The following GRM7 variants were observed in gnomAD, a reference collection of about 807,000 sequenced individuals.
GRM7 encodes the protein glutamate metabotropic receptor 7.
GRM7 carries 35 observed loss-of-function variants against 84.5 expected under a neutral mutation model. That is an observed-to-expected ratio of 0.41 (90% confidence interval 0.32 to 0.55). The LOEUF (loss-of-function observed/expected upper bound fraction) is 0.55. Among genes scored for constraint, GRM7 ranks in the 20% least tolerant of loss-of-function variants. The probability of loss-of-function intolerance (pLI) is 0.19; values close to 1 mark genes in which losing one functional copy is unlikely to be tolerated. For missense variants in GRM7, 1,003 were observed against 1,194.6 expected (o/e 0.84, Z 2.36); for synonymous variants, 487 against 455.1 (o/e 1.07, Z -0.89).
chr3:7,326,885 A>T lies in GRM7; in HGVS notation c.1033+20233A>T, dbSNP rs558215312. ...ATTATTTTGCCCACAATCTATCCTC[A>T]CCACTATAATTCCTTAAAGATACCT... is the stretch of plus-strand genomic sequence containing the variant. On this transcript the variant is annotated intron_variant, in intron 4 of 9. Coordinates refer to ENST00000357716, the MANE Select transcript of GRM7 (RefSeq NM_000844.4). Among the ~76,000 whole-genome samples the T allele has an allele frequency of 1.6e-3, 236 of 151,938 alleles. 1 individual carries two copies. Among genetic ancestry groups the T allele is most frequent in the African/African-American group, 5.5e-3 (227 of 41,462 alleles).
At chr3:7,558,768 C>G (rs907288088) in intron 7 of GRM7, among the ~76,000 whole-genome samples, 3 of 152,056 alleles carry the variant, frequency 2.0e-5, no homozygotes, top group African/African-American at 7.2e-5. Context: ...GCTGCTAAGT[C>G]TTGTGAATAT....
intron 7 of GRM7, among the ~76,000 whole-genome samples, chr3:7,550,129 T>G (rs1055309834): frequency 6.6e-6 from 1 of 151,956 alleles, no homozygotes; most frequent in African/African-American, 2.4e-5. Flanking sequence ...TGGATTTAAG[T>G]GCTGTCCATG....
At chr3:7,095,960 TTG>T (rs1698845300) in intron 1 of GRM7, among the ~76,000 whole-genome samples, 1 of 152,196 alleles carries the variant, frequency 6.6e-6, no homozygotes, top group South Asian at 2.1e-4. Context: ...TAGGTATACA[TTG>T]TGTGTATAGA....
intron 8 of GRM7, among the ~76,000 whole-genome samples, chr3:7,678,775 A>C (rs368042100): frequency 1.3e-5 from 2 of 152,196 alleles, no homozygotes; most frequent in Non-Finnish European, 2.9e-5. Flanking sequence ...CTTTGATTTC[A>C]CTAGGGCCTC....
intron 2 of GRM7, among the ~76,000 whole-genome samples, chr3:7,284,339 C>T (rs1208953110): frequency 6.6e-6 from 1 of 151,086 alleles, no homozygotes; most frequent in African/African-American, 2.4e-5. Context: ...CTTGGATCTG[C>T]ACACTAGTAC....
intron 8 of GRM7, among the ~76,000 whole-genome samples, chr3:7,596,105 A>G (rs1318773076): frequency 6.6e-6 from 1 of 152,176 alleles, no homozygotes; most frequent in Non-Finnish European, 1.5e-5. Context: ...GTGTTGCAAA[A>G]TGGTTTGATT....
chr3:7,473,095 T>C (rs1346217729), intron 7 of GRM7, among the ~76,000 whole-genome samples: 1 of 152,152 alleles, frequency 6.6e-6, no homozygotes, highest in African/African-American at 2.4e-5. Flanking sequence ...ATTTGGACTT[T>C]CGATTGCTGA....
rs1700294762 is a variant in GRM7 at position 7,679,911 on chromosome 3, G to A, written c.2452-138G>A. On this transcript the variant is annotated intron_variant, in intron 8 of 9. Coordinates refer to ENST00000357716, the MANE Select transcript of GRM7 (RefSeq NM_000844.4). Reference sequence around the variant, plus strand: ...TCCAATAACTGTGCAGAGTTATTGTGCTTTCCTTTATTTATCAAAATGCCC... The same window carrying A: ...TCCAATAACTGTGCAGAGTTATTGTACTTTCCTTTATTTATCAAAATGCCC... The A allele has an allele frequency of 8.4e-6, 6 of 715,874 alleles. No individual in the cohort carries two copies. In the East Asian group the frequency reaches 1.3e-4, roughly 16 times the overall value. The allele number at this position is 715,874 out of a possible 1,614,324, so 44.3% of individuals were successfully genotyped here.
chr3:7,346,919 G>A (rs1692918731), intron 4 of GRM7, among the ~76,000 whole-genome samples: 1 of 152,004 alleles, frequency 6.6e-6, no homozygotes, highest in Non-Finnish European at 1.5e-5. Context: ...TACCTACTTT[G>A]GGACTTCTGA....
At chr3:7,343,267 T>A (rs1445507550) in intron 4 of GRM7, among the ~76,000 whole-genome samples, 1 of 152,152 alleles carries the variant, frequency 6.6e-6, no homozygotes, top group East Asian at 1.9e-4. Context: ...AGTGTCTCAC[T>A]CTGTTGCCCA....
At chr3:6,920,139 C>A (rs1440395601) in intron 1 of GRM7, among the ~76,000 whole-genome samples, 1 of 152,120 alleles carries the variant, frequency 6.6e-6, no homozygotes, top group Non-Finnish European at 1.5e-5. Context: ...ATAATTTTCT[C>A]ATTTATTTCA....
At chr3:7,286,029 A>C (rs1019420604) in intron 2 of GRM7, among the ~76,000 whole-genome samples, 1 of 152,138 alleles carries the variant, frequency 6.6e-6, no homozygotes, top group South Asian at 2.1e-4. Flanking sequence ...AACTCACAGC[A>C]TTGTCAAATA....
chr3:7,266,732 G>A (rs538763990), intron 2 of GRM7, among the ~76,000 whole-genome samples: 98 of 152,196 alleles, frequency 6.4e-4, no homozygotes, highest in Middle Eastern at 3.4e-3. Context: ...AACAGAAACT[G>A]GGCATTGTAT....
At chr3:7,639,422 G>T (rs750994369) in intron 8 of GRM7, among the ~76,000 whole-genome samples, 6 of 152,060 alleles carry the variant, frequency 3.9e-5, no homozygotes, top group Non-Finnish European at 8.8e-5. Flanking sequence ...TTAATATATT[G>T]CAAGTATTTC....
intron 5 of GRM7, among the ~76,000 whole-genome samples, chr3:7,446,456 T>TTG: frequency 8.8e-6 from 1 of 113,088 alleles, no homozygotes; most frequent in Non-Finnish European, 2.1e-5. Context: ...TCTTGTTTTT[T>TTG]TTTTTTTGTT....
intron 2 of GRM7, among the ~76,000 whole-genome samples, chr3:7,217,527 T>A (rs1696655553): frequency 6.6e-6 from 1 of 152,108 alleles, no homozygotes; most frequent in East Asian, 1.9e-4. Flanking sequence ...CAATAATAAT[T>A]TTTAAAATAG....
intron 1 of GRM7, among the ~76,000 whole-genome samples, chr3:7,143,227 A>G (rs937765859): frequency 2.0e-5 from 3 of 152,168 alleles, no homozygotes; most frequent in Non-Finnish European, 4.4e-5. Flanking sequence ...AATAATAACT[A>G]TGTAGGCTTT....
At chr3:7,542,924 C>A (rs1281838078) in intron 7 of GRM7, among the ~76,000 whole-genome samples, 1 of 152,176 alleles carries the variant, frequency 6.6e-6, no homozygotes, top group Non-Finnish European at 1.5e-5. Context: ...GTACTTTCTG[C>A]TCTCCATCCT....
chr3:6,980,776 G>C lies in GRM7; in HGVS notation c.519+118869G>C, dbSNP rs375633250. Among the ~76,000 whole-genome samples, 23 of 152,292 alleles carry C rather than the reference G, an allele frequency of 1.5e-4. 2 individuals carry two copies. The South Asian group carries it at 2.5e-3, about 16-fold the overall frequency. On this transcript the variant is annotated intron_variant, in intron 1 of 9. Transcript: ENST00000357716. ...GGAACTTGAGTGAGCTTCCCTGCTAGAGAAGGAAGAAAAGAACTTGCTTAT... is the reference window on the plus strand; with the variant it reads ...GGAACTTGAGTGAGCTTCCCTGCTACAGAAGGAAGAAAAGAACTTGCTTAT...
Sources: allele counts gnomAD v4.1 joint callset (sites outside exome capture counted in the v4.1 genomes callset), GRCh38; gene constraint gnomAD v4.1.1; transcripts MANE v1.5; gene names NCBI Gene and HGNC (gene_info 2026-07-23, HGNC 2026-07-21).